The following COG5 variants were observed in gnomAD, a reference collection of about 807,000 sequenced individuals.
COG5 encodes the protein component of oligomeric golgi complex 5.
A neutral mutation model predicts 110.4 loss-of-function variants in COG5; 86 were observed. The observed-to-expected ratio is 0.78, with a 90% confidence interval of 0.65 to 0.93. The LOEUF (loss-of-function observed/expected upper bound fraction) is 0.93. Among genes scored for constraint, COG5 ranks in the 40% least tolerant of loss-of-function variants. The pLI, the probability that COG5 is intolerant of heterozygous loss-of-function variation, is 0.00. For missense variants in COG5, 1,077 were observed against 987.0 expected, an observed-to-expected ratio of 1.09 and a Z score of -1.22; for synonymous variants, 360 against 334.6, an observed-to-expected ratio of 1.08 and a Z score of -0.83.
intron 10 of COG5, among the ~76,000 whole-genome samples, chr7:107,348,701 C>T (rs781259233): frequency 7.2e-5 from 11 of 152,078 alleles, no homozygotes; most frequent in African/African-American, 1.2e-4. Context: ...CTTGTTAACA[C>T]GAGACACATT....
At chr7:107,295,770 T>C (rs1806685827) in intron 12 of COG5, among the ~76,000 whole-genome samples, 1 of 152,166 alleles carries the variant, frequency 6.6e-6, no homozygotes, top group South Asian at 2.1e-4. Context: ...TAATTTGTTT[T>C]GCCTCCATTG....
chr7:107,552,825 C>T (rs903508098), intron 3 of COG5, among the ~76,000 whole-genome samples: 6 of 152,084 alleles, frequency 3.9e-5, no homozygotes, highest in African/African-American at 1.4e-4. Flanking sequence ...GTATGTTCAT[C>T]ACAGCACTGT....
At chr7:107,242,086 T>C (rs539159634) in intron 17 of COG5, among the ~76,000 whole-genome samples, 4 of 152,290 alleles carry the variant, frequency 2.6e-5, no homozygotes, top group South Asian at 4.1e-4. Flanking sequence ...CCAGCCTAGA[T>C]TGATCTTTTG....
At chr7:107,241,912 GC>G (rs1801671027) in intron 17 of COG5, among the ~76,000 whole-genome samples, 1 of 152,012 alleles carries the variant, frequency 6.6e-6, no homozygotes, top group Non-Finnish European at 1.5e-5. Context: ...TCCCCAAAGA[GC>G]TGGAACTACC....
chr7:107,272,724 T>C (rs1008619456), intron 14 of COG5, among the ~76,000 whole-genome samples: 24 of 152,158 alleles, frequency 1.6e-4, no homozygotes, highest in African/African-American at 5.6e-4. Context: ...GCTAAGACTA[T>C]CTAAGAGATA....
intron 6 of COG5, among the ~76,000 whole-genome samples, chr7:107,424,028 T>A (rs1207420302): frequency 1.3e-5 from 2 of 152,140 alleles, no homozygotes; most frequent in African/African-American, 2.4e-5. Context: ...ATCCTGACAC[T>A]TCTGGAGGCT....
intron 6 of COG5, among the ~76,000 whole-genome samples, chr7:107,464,441 C>T (rs1472044210): frequency 5.3e-5 from 8 of 152,112 alleles, no homozygotes; most frequent in Admixed American, 5.2e-4. Context: ...CACTGCTTAG[C>T]CTCAAAAAAT....
intron 19 of COG5, among the ~76,000 whole-genome samples, chr7:107,224,603 A>G (rs956525607): frequency 1.3e-5 from 2 of 152,230 alleles, no homozygotes; most frequent in Non-Finnish European, 2.9e-5. Flanking sequence ...GCTGGTGAAG[A>G]GCATTTGCTC....
At chr7:107,548,419 T>A in intron 3 of COG5, 87 bp from the exon 4 acceptor site, 1 of 1,247,486 alleles carries the variant, frequency 8.0e-7, no homozygotes, top group Non-Finnish European at 1.2e-6. Context: ...AATACATGCA[T>A]ATATAATTTT....
chr7:107,331,198 G>A (rs1810207561), intron 10 of COG5, among the ~76,000 whole-genome samples: 2 of 152,208 alleles, frequency 1.3e-5, no homozygotes, highest in Middle Eastern at 3.4e-3. Flanking sequence ...ATTCTGGGCT[G>A]GGCACGGTGG....
At chr7:107,283,877 A>G (rs1303285913) in intron 12 of COG5, 145 bp from the exon 13 acceptor site, 7 of 652,484 alleles carry the variant, frequency 1.1e-5, no homozygotes, top group Non-Finnish European at 1.9e-5. Context: ...TTTGTTTCAC[A>G]ACGTACATAT....
intron 1 of COG5, among the ~76,000 whole-genome samples, chr7:107,562,671 C>T (rs1250305044): frequency 6.6e-6 from 1 of 152,174 alleles, no homozygotes; most frequent in African/African-American, 2.4e-5. Flanking sequence ...GAGACCCGGT[C>T]CTAGAGTTTC....
intron 19 of COG5, among the ~76,000 whole-genome samples, chr7:107,215,499 C>T (rs1799457981): frequency 6.6e-6 from 1 of 151,824 alleles, no homozygotes; most frequent in South Asian, 2.1e-4. Flanking sequence ...CCCATCTCTA[C>T]TAAAAATACA....
At chr7:107,227,014 A>G (rs1174652305) in intron 19 of COG5, among the ~76,000 whole-genome samples, 1 of 152,218 alleles carries the variant, frequency 6.6e-6, no homozygotes, top group Non-Finnish European at 1.5e-5. Context: ...GGAACCTCAG[A>G]GATACCAGAA....
intron 11 of COG5, among the ~76,000 whole-genome samples, chr7:107,323,077 T>C (rs1463324903): frequency 6.6e-6 from 1 of 152,240 alleles, no homozygotes; most frequent in Non-Finnish European, 1.5e-5. Context: ...ATGATGGTTA[T>C]ATGAATGTAA....
chr7:107,299,689 A>G (rs1807067545), intron 11 of COG5, among the ~76,000 whole-genome samples: 1 of 151,596 alleles, frequency 6.6e-6, no homozygotes, highest in Non-Finnish European at 1.5e-5. Flanking sequence ...AAAGAAAAAT[A>G]AAAACTACAA....
chr7:107,362,367 C>T lies in COG5; in HGVS notation c.889G>A (p.Ala297Thr). ...PTPGNTAALRASFWTNMEKLM... is the reference protein window; with the variant it reads ...PTPGNTAALRTSFWTNMEKLM... ...TTCTCCATATTGGTCCAGAATGAGG[C>T]ACGCAAAGCTGCAGTATTTCCTGGG... The change falls in exon 9 of 22, where the codon GCC becomes ACC. Residue 297 changes from alanine to threonine, a missense_variant. Transcript: ENST00000297135. 1 of 1,613,974 alleles carries T rather than the reference C, an allele frequency of 6.2e-7. No homozygotes were observed. Among genetic ancestry groups the T allele is most frequent in the East Asian group, 2.2e-5 (1 of 44,880 alleles).
chr7:107,299,911 T>C (rs1807117887), intron 11 of COG5, among the ~76,000 whole-genome samples: 1 of 147,034 alleles, frequency 6.8e-6, no homozygotes, highest in Non-Finnish European at 1.5e-5. Flanking sequence ...CATATATATA[T>C]AGTCCCACTA....
At chr7:107,348,864 C>CT (rs540887692) in intron 10 of COG5, among the ~76,000 whole-genome samples, 1,654 of 144,592 alleles carry the variant, frequency 0.011, 13 homozygotes, top group African/African-American at 0.013. Context: ...TAGAATTTTT[C>CT]TTTTTTTTTT....
Sources: gnomAD v4.1 joint callset for allele counts (sites outside exome capture counted in the v4.1 genomes callset) on GRCh38, gnomAD v4.1.1 for gene constraint, MANE v1.5 for transcripts, NCBI Gene and HGNC (gene_info 2026-07-23, HGNC 2026-07-21) for gene names.